Variants in MOV10L1 observed in about 807,000 individuals in gnomAD.
The protein encoded by MOV10L1 is Mov10 like RNA helicase 1.
Under a neutral mutation model 143.8 loss-of-function variants are expected in MOV10L1, and 110 were observed. The ratio of observed to expected loss-of-function variants is 0.76; its 90% CI spans 0.66 to 0.90. The LOEUF (loss-of-function observed/expected upper bound fraction) is 0.90. MOV10L1 is among the 40% of genes least tolerant of loss of function. The probability of loss-of-function intolerance (pLI) is 0.00; values close to 1 mark genes in which losing one functional copy is unlikely to be tolerated. For synonymous variants in MOV10L1, 593 were observed against 581.1 expected (o/e 1.02, Z -0.29); for missense variants, 1,406 against 1,526.8 (o/e 0.92, Z 1.32).
At chr22:50,108,061 G>T (rs894330289) in intron 3 of MOV10L1, 75 bp from the exon 4 acceptor site, 12 of 1,307,518 alleles carry the variant, frequency 9.2e-6, no homozygotes, top group Middle Eastern at 4.1e-4. Context: ...TGATAGAAAT[G>T]ATTTCAGTGC....
intron 15 of MOV10L1, among the ~76,000 whole-genome samples, chr22:50,135,214 A>G (rs1245912849): frequency 1.3e-5 from 2 of 151,860 alleles, no homozygotes; most frequent in Non-Finnish European, 2.9e-5. Flanking sequence ...GGGTTTCACC[A>G]TATTGGTCAG....
intron 2 of MOV10L1, chr22:50,095,625 GA>G (rs1401973362): frequency 6.6e-6 from 1 of 152,094 alleles, no homozygotes; most frequent in Non-Finnish European, 1.5e-5. Flanking sequence ...TTGATTTTAA[GA>G]TACACCATTA....
intron 13 of MOV10L1, among the ~76,000 whole-genome samples, chr22:50,131,109 T>C (rs949760324): frequency 2.7e-4 from 41 of 149,908 alleles, no homozygotes; most frequent in East Asian, 9.8e-4. Flanking sequence ...GGGGTTTCAC[T>C]GTGTTAGCCA....
chr22:50,119,170 G>T (rs975882052), intron 9 of MOV10L1, among the ~76,000 whole-genome samples: 7 of 152,180 alleles, frequency 4.6e-5, no homozygotes, highest in East Asian at 3.9e-4. Context: ...TAACCCCCTG[G>T]TCAGTTACTT....
intron 19 of MOV10L1, among the ~76,000 whole-genome samples, chr22:50,146,348 G>A (rs774207462): frequency 3.9e-5 from 6 of 152,094 alleles, no homozygotes; most frequent in South Asian, 2.1e-4. Context: ...GGAGACAGGC[G>A]GAGGAGATGG....
chr22:50,101,518 GT>G (rs371528543), intron 3 of MOV10L1, among the ~76,000 whole-genome samples: 13 of 147,738 alleles, frequency 8.8e-5, no homozygotes, highest in Non-Finnish European at 1.7e-4. Context: ...TGTGGGTTTT[GT>G]TTTTTTTTTC....
chr22:50,126,104 C>T (rs879702124), intron 11 of MOV10L1, 98 bp from the exon 12 acceptor site: 20 of 792,138 alleles, frequency 2.5e-5, no homozygotes, highest in South Asian at 4.9e-5. Flanking sequence ...ACCCCAGTAA[C>T]GTTTTATTGA....
intron 3 of MOV10L1, among the ~76,000 whole-genome samples, chr22:50,102,077 G>A (rs1367284260): frequency 1.3e-5 from 2 of 152,132 alleles, no homozygotes; most frequent in Admixed American, 6.5e-5. Context: ...ATAAAGATGG[G>A]CAGGGATCCG....
At chr22:50,161,084 A>G in intron 26 of MOV10L1, 29 bp downstream of exon 26, 1 of 1,606,378 alleles carries the variant, frequency 6.2e-7, no homozygotes, top group South Asian at 1.1e-5. Flanking sequence ...TTCCTCAAAG[A>G]CAGGCTGGCT....
chr22:50,114,262 TATATTC>T lies in MOV10L1; in HGVS notation c.885-115_885-110del, dbSNP rs1367092251. 1.2e-4 allele frequency: 150 copies of T among 1,248,006 alleles called. 1 individual carries two copies. In the South Asian group the frequency reaches 1.3e-3, roughly 11 times the overall value. The allele number at this position is 1,248,006 out of a possible 1,614,324, so 77.3% of individuals were successfully genotyped here. ...TTTACCCAAAAATGACCTTTTGACT[TATATTC>T]ATAAGTGTATTTGCAGTCACCACTT... is the stretch of plus-strand genomic sequence containing the variant. On this transcript the variant is annotated intron_variant, in intron 6 of 26. Coordinates refer to ENST00000262794, the MANE Select transcript of MOV10L1 (RefSeq NM_018995.3).
intron 15 of MOV10L1, among the ~76,000 whole-genome samples, chr22:50,136,254 C>T (rs571263338): frequency 3.9e-5 from 6 of 151,982 alleles, no homozygotes; most frequent in Non-Finnish European, 5.9e-5. Flanking sequence ...GCCTGATTCT[C>T]GGGGAGAGTC....
intron 18 of MOV10L1, among the ~76,000 whole-genome samples, chr22:50,145,134 G>A (rs188389848): frequency 6.8e-4 from 104 of 151,916 alleles, no homozygotes; most frequent in African/African-American, 2.5e-3. Context: ...TAGAGACAGG[G>A]TTTCACCATG....
chr22:50,136,289 C>A (rs868467440), intron 15 of MOV10L1, among the ~76,000 whole-genome samples: 1 of 152,084 alleles, frequency 6.6e-6, no homozygotes, highest in Admixed American at 6.5e-5. Flanking sequence ...CATGTGAGAT[C>A]AGGGAGGTGT....
chr22:50,099,736 C>A, intron 3 of MOV10L1, 134 bp downstream of exon 3: 1 of 1,092,710 alleles, frequency 9.2e-7, no homozygotes, highest in Non-Finnish European at 1.3e-6. Flanking sequence ...TCGCTTGAGC[C>A]CAGGAGTTGG....
chr22:50,100,012 G>A (rs1484864411), intron 3 of MOV10L1, among the ~76,000 whole-genome samples: 2 of 151,912 alleles, frequency 1.3e-5, no homozygotes, highest in African/African-American at 4.8e-5. Flanking sequence ...TGTTTTTCGA[G>A]ATGGAGTCTC....
intron 18 of MOV10L1, among the ~76,000 whole-genome samples, chr22:50,145,128 G>A (rs1027961117): frequency 6.6e-6 from 1 of 151,970 alleles, no homozygotes; most frequent in Non-Finnish European, 1.5e-5. Context: ...TTTTAGTAGA[G>A]ACAGGGTTTC....
chr22:50,108,126 G>A lies in MOV10L1; in HGVS notation c.443-10G>A, dbSNP rs370682450. 6.2e-7 allele frequency: 1 copy of A among 1,610,404 alleles called. No homozygotes were observed. The highest frequency in any genetic ancestry group is 1.1e-5 in the South Asian group (1 of 90,808). ...TAACACTACCATGGCTTTTTTCCTGGCGGTTTTAGGCTTCGAGCCCTGCAA... is the reference window on the plus strand; with the variant it reads ...TAACACTACCATGGCTTTTTTCCTGACGGTTTTAGGCTTCGAGCCCTGCAA... On this transcript the variant is annotated splice_polypyrimidine_tract_variant and intron_variant, in intron 3 of 26. Transcript: ENST00000262794.
rs771402918 is a variant in MOV10L1 at position 50,092,191 on chromosome 22, G to GT, written c.282+9dup. The GT allele has an allele frequency of 3.7e-6, 6 of 1,608,748 alleles. No individual in the cohort carries two copies. In the African/African-American group the frequency reaches 8.0e-5, roughly 22 times the overall value. On this transcript the variant is annotated splice_region_variant and intron_variant, in intron 2 of 26. Coordinates refer to ENST00000262794, the MANE Select transcript of MOV10L1 (RefSeq NM_018995.3). Reference sequence around the variant, plus strand: ...ATGGACTGAAAGCAATCAGGGTAAGGTTTGAGTTCATTTGGGAACAGTTTT... The same window carrying GT: ...ATGGACTGAAAGCAATCAGGGTAAGGTTTTGAGTTCATTTGGGAACAGTTTT...
At chr22:50,157,423 G>A (rs995061163) in intron 22 of MOV10L1, among the ~76,000 whole-genome samples, 2 of 152,052 alleles carry the variant, frequency 1.3e-5, no homozygotes, top group Non-Finnish European at 2.9e-5. Flanking sequence ...TAATGTCGTG[G>A]GGCTTTTTCC....
Sources: gnomAD v4.1 joint callset for allele counts (sites outside exome capture counted in the v4.1 genomes callset) on GRCh38, gnomAD v4.1.1 for gene constraint, MANE v1.5 for transcripts, NCBI Gene and HGNC (gene_info 2026-07-23, HGNC 2026-07-21) for gene names.